The following SATL1 variants were observed in gnomAD, a reference collection of about 807,000 sequenced individuals.
SATL1 encodes spermidine/spermine N(1)-acetyltransferase-like protein 1.
In SATL1, 47 loss-of-function variants were observed where a neutral mutation model predicts 51.8. The ratio of observed to expected loss-of-function variants is 0.91; its 90% CI spans 0.72 to 1.16. SATL1 has a LOEUF of 1.16. Among genes scored for constraint, SATL1 ranks in the 50% most tolerant of loss-of-function variants. The pLI, the probability that SATL1 is intolerant of heterozygous loss-of-function variation, is 0.00. For missense variants in SATL1, 520 were observed against 526.4 expected (o/e 0.99, Z 0.12); for synonymous variants, 176 against 182.4 (o/e 0.97, Z 0.28).
chrX:85,109,202 T>C lies in SATL1; in HGVS notation c.-234A>G, dbSNP rs368082647. The C allele has an allele frequency of 1.2e-5, 5 of 405,112 alleles. No individual in the cohort carries two copies. Among genetic ancestry groups the C allele is most frequent in the Non-Finnish European group, 2.1e-5 (5 of 234,627 alleles). The allele number at this position is 405,112 out of a possible 1,213,427, so 33.4% of individuals were successfully genotyped here. On this transcript the variant is annotated 5_prime_UTR_variant, in exon 3 of 8. Coordinates refer to ENST00000644105, the MANE Select transcript of SATL1 (RefSeq NM_001367857.2). ...GCACCTCAGGAAGATTATTAATGCC[T>C]CCGGTTTGCTGGAGTTGACTTCACC...
chrX:85,219,278 G>A (rs1928122127), intron 2 of SATL1: 2 of 112,163 alleles, frequency 1.8e-5, no homozygotes, highest in Non-Finnish European at 1.9e-5. Flanking sequence ...AAAACACTGT[G>A]AGTATGAATT....
chrX:85,131,115 T>C (rs1222467767), intron 2 of SATL1, among the ~76,000 whole-genome samples: 2 of 112,071 alleles, frequency 1.8e-5, no homozygotes, highest in African/African-American at 6.5e-5. Context: ...GAGAAGAATG[T>C]ATATTTTGTT....
At position 85,107,958 on chromosome X, in the gene SATL1, G is replaced by C. The variant is rs770683155; in HGVS notation, c.1011C>G (p.Ser337Arg). The C allele has an allele frequency of 8.3e-7, 1 of 1,209,600 alleles. No individual in the cohort carries two copies. Among genetic ancestry groups the C allele is most frequent in the Non-Finnish European group, 1.1e-6 (1 of 894,942 alleles). ...TGCTTGCTTCACTCAGGACTAGTTC[G>C]CTCAGGCTTTGTGGCCACATGCCTG... ...SQPGMWPQSL[S>R]ELVLSEASIS... Residue 337 changes from serine (S) to arginine (R), a missense_variant, in exon 3 of 8, where the codon AGC (serine) becomes AGG (arginine). By Grantham distance (110) the Ser-to-Arg change is moderately radical. Coordinates refer to ENST00000644105, the MANE Select transcript of SATL1 (RefSeq NM_001367857.2).
At chrX:85,210,903 A>G (rs994128532) in intron 2 of SATL1, 1 of 111,625 alleles carries the variant, frequency 9.0e-6, no homozygotes, top group Non-Finnish European at 1.9e-5. Flanking sequence ...AACAGAGGAC[A>G]CATACTGGGT....
At chrX:85,133,046 C>A (rs1264455829) in intron 2 of SATL1, among the ~76,000 whole-genome samples, 2 of 111,330 alleles carry the variant, frequency 1.8e-5, no homozygotes, top group Non-Finnish European at 3.8e-5. Flanking sequence ...CAGAGGGGCA[C>A]CCAGCTGTAT....
intron 2 of SATL1, chrX:85,219,066 GA>G (rs1360333661): frequency 9.0e-6 from 1 of 111,538 alleles, no homozygotes; most frequent in Non-Finnish European, 1.9e-5. Flanking sequence ...TCTACACCAG[GA>G]GTTCCAAAAT....
At chrX:85,201,508 T>C (rs1927686642) in intron 2 of SATL1, among the ~76,000 whole-genome samples, 1 of 111,249 alleles carries the variant, frequency 9.0e-6, no homozygotes, top group Admixed American at 9.6e-5. Flanking sequence ...TGAAGGTTGG[T>C]TACATAGATA....
At chrX:85,104,182 T>C (rs1052667345) in intron 3 of SATL1, among the ~76,000 whole-genome samples, 17 of 111,596 alleles carry the variant, frequency 1.5e-4, no homozygotes, top group Non-Finnish European at 3.2e-4. Flanking sequence ...TAACCTTGAA[T>C]GCAGCCAGAA....
intron 1 of SATL1, among the ~76,000 whole-genome samples, chrX:85,240,682 G>C (rs751210858): frequency 6.9e-4 from 76 of 110,743 alleles, no homozygotes; most frequent in Non-Finnish European, 1.2e-3. Flanking sequence ...GGAGTAGGGG[G>C]ATCCCTCTCT....
chrX:85,134,612 A>G (rs1278439972), intron 2 of SATL1, among the ~76,000 whole-genome samples: 1 of 111,967 alleles, frequency 8.9e-6, no homozygotes, highest in Non-Finnish European at 1.9e-5. Flanking sequence ...ATCTATCTCA[A>G]AGTAAAGATC....
intron 1 of SATL1, among the ~76,000 whole-genome samples, chrX:85,239,558 A>G (rs1356088273): frequency 8.9e-6 from 1 of 112,010 alleles, no homozygotes; most frequent in African/African-American, 3.2e-5. Context: ...ATAGCTCATT[A>G]CATTTTGACA....
At chrX:85,173,671 C>T (rs1315661877) in intron 2 of SATL1, among the ~76,000 whole-genome samples, 1 of 110,672 alleles carries the variant, frequency 9.0e-6, no homozygotes, top group African/African-American at 3.3e-5. Context: ...AACACTTAAA[C>T]ACACACGTTA....
At chrX:85,129,999 C>A (rs1004163096) in intron 2 of SATL1, among the ~76,000 whole-genome samples, 7 of 111,793 alleles carry the variant, frequency 6.3e-5, no homozygotes, top group African/African-American at 2.3e-4. Context: ...TTGAAGCCAA[C>A]TTGTTCATGG....
At chrX:85,092,711 G>T (rs1924562868) in intron 7 of SATL1, 150 bp from the exon 8 acceptor site, 2 of 514,463 alleles carry the variant, frequency 3.9e-6, no homozygotes, top group Non-Finnish European at 5.9e-6. Context: ...CTTTTCTATA[G>T]CTGTAAAAAG....
intron 2 of SATL1, among the ~76,000 whole-genome samples, chrX:85,216,517 T>C (rs776981311): frequency 9.0e-6 from 1 of 111,362 alleles, no homozygotes; most frequent in South Asian, 3.9e-4. Flanking sequence ...TAGAACTTCA[T>C]TCTCTTTCCT....
At chrX:85,166,935 A>ATG (rs753194262) in intron 2 of SATL1, among the ~76,000 whole-genome samples, 2 of 84,732 alleles carry the variant, frequency 2.4e-5, no homozygotes, top group Non-Finnish European at 2.3e-5. Context: ...ATATATATAT[A>ATG]TGTGTATGTG....
chrX:85,099,924 G>A (rs1250299297), intron 4 of SATL1, among the ~76,000 whole-genome samples: 1 of 112,472 alleles, frequency 8.9e-6, no homozygotes, highest in Non-Finnish European at 1.9e-5. Flanking sequence ...ACCATCCATA[G>A]GCCAGGCCCA....
At chrX:85,153,540 A>C (rs1387503410) in intron 2 of SATL1, among the ~76,000 whole-genome samples, 3 of 111,891 alleles carry the variant, frequency 2.7e-5, no homozygotes, top group South Asian at 7.4e-4. Flanking sequence ...ATGCTGACTC[A>C]GTGTGTTAAA....
intron 6 of SATL1, among the ~76,000 whole-genome samples, chrX:85,093,572 C>T (rs186625480): frequency 1.4e-4 from 16 of 112,515 alleles, no homozygotes; most frequent in Middle Eastern, 4.6e-3. Context: ...TATACTCACA[C>T]GATGGCTCAC....
Sources: allele counts gnomAD v4.1 joint callset (sites outside exome capture counted in the v4.1 genomes callset), GRCh38; gene constraint gnomAD v4.1.1; transcripts MANE v1.5; gene names NCBI Gene and HGNC (gene_info 2026-07-23, HGNC 2026-07-21).